DCC: variants seen among roughly 807,000 people sequenced by gnomAD.
DCC encodes netrin receptor DCC.
In DCC, 58 loss-of-function variants were observed where a neutral mutation model predicts 172.5. The ratio of observed to expected loss-of-function variants is 0.34; its 90% CI spans 0.27 to 0.42. The LOEUF (loss-of-function observed/expected upper bound fraction) is 0.42, where lower values mean the gene tolerates loss of function less well. Among genes scored for constraint, DCC ranks in the 10% least tolerant of loss-of-function variants. The pLI, the probability that DCC is intolerant of heterozygous loss-of-function variation, is 1.00. For missense variants in DCC, 1,740 were observed against 1,791.0 expected (o/e 0.97, Z 0.51); for synonymous variants, 709 against 644.5 (o/e 1.10, Z -1.52).
At chr18:52,568,180 ACTTAT>A (rs778096153) in intron 1 of DCC, among the ~76,000 whole-genome samples, 8 of 152,248 alleles carry the variant, frequency 5.3e-5, no homozygotes, top group Non-Finnish European at 7.4e-5. Flanking sequence ...AGAAAACTAC[ACTTAT>A]CTTATGAGGC....
rs769255028 is a variant in DCC at position 53,459,501 on chromosome 18, G to A, written c.3619+43G>A. The A allele has an allele frequency of 3.1e-6, 4 of 1,309,078 alleles. No homozygotes were observed. The Admixed American group carries it at 5.0e-5, about 16-fold the overall frequency. The allele number at this position is 1,309,078 out of a possible 1,614,324, so 81.1% of individuals were successfully genotyped here. ...GGCATTAGGGAAAACATACCATTCTGAACCCAAGGGAGTTTTTCACTCCTT... is the reference window on the plus strand; with the variant it reads ...GGCATTAGGGAAAACATACCATTCTAAACCCAAGGGAGTTTTTCACTCCTT... On this transcript the variant is annotated intron_variant, in intron 24 of 28. Transcript: ENST00000442544.
intron 5 of DCC, among the ~76,000 whole-genome samples, chr18:53,028,315 T>C (rs1243147484): frequency 2.6e-5 from 4 of 152,186 alleles, no homozygotes; most frequent in Admixed American, 6.6e-5. Context: ...TTAAAATTTG[T>C]CTTGCATTAA....
chr18:52,997,360 G>T (rs2041498324), intron 5 of DCC, among the ~76,000 whole-genome samples: 2 of 152,092 alleles, frequency 1.3e-5, no homozygotes, highest in Admixed American at 1.3e-4. Context: ...CTGGGTAAAA[G>T]AGTTTGTCCA....
intron 27 of DCC, among the ~76,000 whole-genome samples, chr18:53,517,859 A>G (rs2046355657): frequency 6.6e-6 from 1 of 152,112 alleles, no homozygotes; most frequent in African/African-American, 2.4e-5. Context: ...TGCAAAATTT[A>G]TAGTTTGAAA....
chr18:52,838,731 A>G (rs1425110162), intron 2 of DCC, among the ~76,000 whole-genome samples: 5 of 152,194 alleles, frequency 3.3e-5, no homozygotes, highest in Non-Finnish European at 7.3e-5. Context: ...TGATAATGCA[A>G]ATTATTTTTG....
chr18:53,188,042 T>TTGTCC (rs1479247594), intron 9 of DCC, among the ~76,000 whole-genome samples: 2 of 152,184 alleles, frequency 1.3e-5, no homozygotes, highest in African/African-American at 4.8e-5. Flanking sequence ...AACTTGTACA[T>TTGTCC]TGTCCTCTTA....
intron 23 of DCC, among the ~76,000 whole-genome samples, chr18:53,457,085 A>T: frequency 6.6e-6 from 1 of 152,220 alleles, no homozygotes; most frequent in Non-Finnish European, 1.5e-5. Flanking sequence ...AGAGATCTTT[A>T]GCTTCTTGAC....
intron 7 of DCC, among the ~76,000 whole-genome samples, chr18:53,148,501 G>T (rs1041355459): frequency 2.2e-4 from 33 of 152,122 alleles, no homozygotes; most frequent in Admixed American, 9.2e-4. Context: ...CTGCAATTGG[G>T]TAGAAGCATA....
rs750264814 is a variant in DCC, at chr18:53,391,654, G to C, written c.2456-1G>C. ...TTCATTTGGTGGGTTTTTAAACCCAGATCCCACTGACCCAGTTGATTATTA... is the reference window on the plus strand; with the variant it reads ...TTCATTTGGTGGGTTTTTAAACCCACATCCCACTGACCCAGTTGATTATTA... On this transcript the variant is annotated splice_acceptor_variant, in intron 16 of 28. Coordinates refer to ENST00000442544, the MANE Select transcript of DCC (RefSeq NM_005215.4). LOFTEE classifies it high-confidence loss of function. The C allele has an allele frequency of 6.2e-7, 1 of 1,608,806 alleles. No individual in the cohort carries two copies. The highest frequency in any genetic ancestry group is 8.5e-7 in the Non-Finnish European group (1 of 1,175,290).
At position 53,469,617 on chromosome 18, in the gene DCC, G is replaced by A. The variant is rs529897579; in HGVS notation, c.3736+1607G>A. Among the ~76,000 whole-genome samples, 7 of 152,064 alleles carry A rather than the reference G, an allele frequency of 4.6e-5. No homozygotes were observed. In the South Asian group the frequency reaches 1.5e-3, roughly 32 times the overall value. On this transcript the variant is annotated intron_variant, in intron 25 of 28. Transcript: ENST00000442544. ...TGAAATCCCCTCTCACCCATTTAGG[G>A]ACTCTTCTGTAATTACTCCTTCCCT...
At chr18:52,769,697 C>T (rs959031050) in intron 2 of DCC, among the ~76,000 whole-genome samples, 1 of 152,084 alleles carries the variant, frequency 6.6e-6, no homozygotes, top group African/African-American at 2.4e-5. Flanking sequence ...TCTATGTTTT[C>T]TTCTAGTTTT....
intron 15 of DCC, among the ~76,000 whole-genome samples, chr18:53,369,801 C>T (rs1171563716): frequency 1.3e-5 from 2 of 151,728 alleles, no homozygotes; most frequent in African/African-American, 4.8e-5. Context: ...TCATTTTTAC[C>T]TTCCAGGAAT....
intron 7 of DCC, among the ~76,000 whole-genome samples, chr18:53,096,795 A>G (rs2043094041): frequency 1.3e-5 from 2 of 152,186 alleles, no homozygotes; most frequent in African/African-American, 2.4e-5. Flanking sequence ...AGTTTGTGAT[A>G]TGATAATTAT....
intron 1 of DCC, among the ~76,000 whole-genome samples, chr18:52,433,335 G>A (rs1001948918): frequency 1.2e-4 from 19 of 152,106 alleles, no homozygotes; most frequent in East Asian, 3.9e-4. Context: ...ATATCCATTC[G>A]TTCATTTGAA....
chr18:53,348,821 C>G (rs2057754362), intron 15 of DCC, among the ~76,000 whole-genome samples: 1 of 152,130 alleles, frequency 6.6e-6, no homozygotes, highest in South Asian at 2.1e-4. Flanking sequence ...GCACCAAGTC[C>G]CTAGGCTGTA....
chr18:52,791,182 G>A (rs1248118927), intron 2 of DCC, among the ~76,000 whole-genome samples: 1 of 152,170 alleles, frequency 6.6e-6, no homozygotes, highest in Non-Finnish European at 1.5e-5. Context: ...CTCTGTGCCT[G>A]TCTGATATGA....
At chr18:52,401,517 T>A (rs1986440757) in intron 1 of DCC, among the ~76,000 whole-genome samples, 1 of 152,012 alleles carries the variant, frequency 6.6e-6, no homozygotes, top group Non-Finnish European at 1.5e-5. Context: ...CTTAAGCATT[T>A]CTAGAAATTA....
intron 1 of DCC, among the ~76,000 whole-genome samples, chr18:52,353,418 G>C (rs796437070): frequency 1.1e-4 from 16 of 152,194 alleles, no homozygotes; most frequent in African/African-American, 3.6e-4. Context: ...AGAGGCCCTG[G>C]GCCCTCCTCC....
chr18:53,499,892 A>G (rs1016505389), intron 27 of DCC, among the ~76,000 whole-genome samples: 5 of 152,240 alleles, frequency 3.3e-5, no homozygotes, highest in African/African-American at 1.2e-4. Flanking sequence ...AGGTATAAAA[A>G]TCTGCAAAAC....
Sources: allele counts gnomAD v4.1 joint callset (sites outside exome capture counted in the v4.1 genomes callset), GRCh38; gene constraint gnomAD v4.1.1; transcripts MANE v1.5; gene names NCBI Gene and HGNC (gene_info 2026-07-23, HGNC 2026-07-21).